Variants in USP54 observed in about 807,000 individuals in gnomAD.
The protein encoded by USP54 is ubiquitin specific peptidase 54.
Under a neutral mutation model 170.5 loss-of-function variants are expected in USP54, and 87 were observed. The ratio of observed to expected loss-of-function variants is 0.51; its 90% confidence interval spans 0.43 to 0.61. The LOEUF (loss-of-function observed/expected upper bound fraction) is 0.61. USP54 is among the 20% of genes least tolerant of loss of function. The pLI, the probability that USP54 is intolerant of heterozygous loss-of-function variation, is 0.00. For missense variants in USP54, 1,786 were observed against 2,047.8 expected, an observed-to-expected ratio of 0.87 and a Z score of 2.47; for synonymous variants, 655 against 742.8, an observed-to-expected ratio of 0.88 and a Z score of 1.92.
chr10:73,561,797 T>C (rs2073123687), intron 4 of USP54, among the ~76,000 whole-genome samples: 1 of 152,146 alleles, frequency 6.6e-6, no homozygotes, highest in Non-Finnish European at 1.5e-5. Context: ...AGGGTATTCT[T>C]AGGTTTAAAA....
chr10:73,575,804 A>T lies in USP54; in HGVS notation c.-24T>A. ...AAGATTTTGACTTTACCACCTTCCAAATATCATCTGTGTAGTCAAGGGACT... is the reference window on the plus strand; with the variant it reads ...AAGATTTTGACTTTACCACCTTCCATATATCATCTGTGTAGTCAAGGGACT... On this transcript the variant is annotated 5_prime_UTR_variant, in exon 2 of 24. It adds an upstream start codon to the 5' untranslated region. Transcript: ENST00000687698. 1.0e-6 allele frequency: 1 copy of T among 990,938 alleles called. No homozygotes were observed. The highest frequency in any genetic ancestry group is 1.4e-6 in the Non-Finnish European group (1 of 695,928). The allele number at this position is 990,938 out of a possible 1,614,324, so 61.4% of individuals were successfully genotyped here.
chr10:73,525,461 C>T lies in USP54; in HGVS notation c.2194+1186G>A, dbSNP rs548440175. On this transcript the variant is annotated intron_variant, in intron 16 of 23. Coordinates refer to ENST00000687698, the MANE Select transcript of USP54 (RefSeq NM_001391956.1). ...TAATTATCTTTTACCAGTTGAAGAA[C>T]GCTGTTGGTGAATTCTATCCAACTG... Among the ~76,000 whole-genome samples the T allele has an allele frequency of 7.2e-5, 11 of 152,174 alleles. No individual in the cohort carries two copies. In the East Asian group the frequency reaches 1.4e-3, roughly 19 times the overall value.
chr10:73,608,158 G>A (rs964716064), intron 1 of USP54, among the ~76,000 whole-genome samples: 3 of 151,938 alleles, frequency 2.0e-5, no homozygotes, highest in African/African-American at 7.3e-5. Context: ...TACTTCAGGG[G>A]ATGAGACAAA....
At chr10:73,536,112 G>T in intron 11 of USP54, 157 bp downstream of exon 11, 1 of 1,013,788 alleles carries the variant, frequency 9.9e-7, no homozygotes, top group Non-Finnish European at 1.5e-6. Flanking sequence ...GCTGGCCCAA[G>T]TTAGGCTTCA....
chr10:73,500,253 T>C (rs1207823912), intron 23 of USP54, among the ~76,000 whole-genome samples: 1 of 152,222 alleles, frequency 6.6e-6, no homozygotes, highest in Non-Finnish European at 1.5e-5. Context: ...CTTATCTTCC[T>C]AGACCATCCC....
chr10:73,518,162 G>A lies in USP54; in HGVS notation c.2679-415C>T, dbSNP rs2061342306. 4 of 985,140 alleles carry A rather than the reference G, an allele frequency of 4.1e-6. No individual in the cohort carries two copies. In the Admixed American group the frequency reaches 2.5e-4, roughly 61 times the overall value. 61.0% of individuals were successfully genotyped at this position (985,140 alleles called of 1,614,324 possible). On this transcript the variant is annotated intron_variant, in intron 19 of 23. Coordinates refer to ENST00000687698, the MANE Select transcript of USP54 (RefSeq NM_001391956.1). Reference sequence around the variant, plus strand: ...CTCATACCAAACAGCAAAAATCCAGGATGCTATACAGGGAGGCAAGTCCTA... The same window carrying A: ...CTCATACCAAACAGCAAAAATCCAGAATGCTATACAGGGAGGCAAGTCCTA...
chr10:73,553,358 T>C (rs894839667), intron 4 of USP54: 1 of 152,160 alleles, frequency 6.6e-6, no homozygotes, highest in Non-Finnish European at 1.5e-5. Flanking sequence ...GCAAGTGTAT[T>C]AGGGGTAAAG....
Position 73,576,368 on chromosome 10 carries a change from C to G in USP54, c.-581-7G>C, listed in dbSNP as rs1182048474. On this transcript the variant is annotated splice_region_variant and splice_polypyrimidine_tract_variant and intron_variant, in intron 1 of 23. Coordinates refer to ENST00000687698, the MANE Select transcript of USP54 (RefSeq NM_001391956.1). ...AGCCAGCTGTGTCAGAGAGCTTTAA[C>G]AGAAATAAAAAAAATCAAAAGCTTG... The G allele has an allele frequency of 6.6e-6, 1 of 151,914 alleles. No individual in the cohort carries two copies. Among genetic ancestry groups the G allele is most frequent in the Non-Finnish European group, 1.5e-5 (1 of 68,008 alleles). The allele number at this position is 151,914 out of a possible 1,614,324, so 9.4% of individuals were successfully genotyped here.
At chr10:73,620,045 G>T (rs879615390) in intron 1 of USP54, among the ~76,000 whole-genome samples, 2 of 150,346 alleles carry the variant, frequency 1.3e-5, no homozygotes, top group African/African-American at 2.5e-5. Flanking sequence ...GGGCACAGTG[G>T]GTCACACCTG....
chr10:73,617,283 C>G (rs1198731789), intron 1 of USP54, among the ~76,000 whole-genome samples: 1 of 146,672 alleles, frequency 6.8e-6, no homozygotes, highest in Non-Finnish European at 1.5e-5. Context: ...GCAACAAGAG[C>G]GAAACCCTGT....
rs540666074 is a variant in USP54 at position 73,543,138 on chromosome 10, G to A, written c.376-7C>T. 3 of 1,591,852 alleles carry A rather than the reference G, an allele frequency of 1.9e-6. No individual in the cohort carries two copies. The East Asian group carries it at 6.7e-5, about 36-fold the overall frequency. The stretch of plus-strand genomic sequence containing the variant: ...TTCTCATCAGGAGGTTTTCCTGACA[G>A]GGAAAGAACAAAAGCAGTATACCAA... On this transcript the variant is annotated splice_polypyrimidine_tract_variant and splice_region_variant and intron_variant, in intron 5 of 23. Coordinates refer to ENST00000687698, the MANE Select transcript of USP54 (RefSeq NM_001391956.1).
intron 1 of USP54, among the ~76,000 whole-genome samples, chr10:73,600,102 T>C (rs963814524): frequency 1.3e-5 from 2 of 151,990 alleles, no homozygotes; most frequent in Admixed American, 6.6e-5. Context: ...GGTTTCTCCA[T>C]GTTTGTCAGG....
At chr10:73,509,105 C>CAAAAAAAAAA (rs34441562) in intron 20 of USP54, among the ~76,000 whole-genome samples, 1 of 47,298 alleles carries the variant, frequency 2.1e-5, no homozygotes, top group Non-Finnish European at 4.5e-5. Flanking sequence ...ATCATACTGG[C>CAAAAAAAAAA]AAAAAAAAAA....
rs550332807 is a variant in USP54 at position 73,578,039 on chromosome 10, C to G, written c.-581-1678G>C. Among the ~76,000 whole-genome samples the G allele has an allele frequency of 5.3e-5, 8 of 152,306 alleles. No individual in the cohort carries two copies. In the East Asian group the frequency reaches 1.2e-3, roughly 22 times the overall value. ...GGGTTTCCAATATCCACATTAGGAG[C>G]TAACTGAAACTCAGCCTGCCCTATG... On this transcript the variant is annotated intron_variant, in intron 1 of 23. Coordinates refer to ENST00000687698, the MANE Select transcript of USP54 (RefSeq NM_001391956.1).
At chr10:73,505,074 A>G (rs1279931605) in intron 21 of USP54, 84 bp from the exon 22 acceptor site, 2 of 1,585,466 alleles carry the variant, frequency 1.3e-6, no homozygotes, top group African/African-American at 2.7e-5. Context: ...GGGTATGGGA[A>G]AGAGTAGGGG....
intron 1 of USP54, among the ~76,000 whole-genome samples, chr10:73,581,804 G>A (rs1365155225): frequency 6.6e-6 from 1 of 152,100 alleles, no homozygotes; most frequent in Non-Finnish European, 1.5e-5. Context: ...GTCCACATTT[G>A]GATTTTGGAT....
intron 1 of USP54, among the ~76,000 whole-genome samples, chr10:73,597,982 G>C (rs1478484462): frequency 1.3e-5 from 2 of 152,098 alleles, no homozygotes; most frequent in Admixed American, 1.3e-4. Flanking sequence ...TACTCGGGAG[G>C]CTGAGGCAGG....
chr10:73,530,035 C>T (rs2063679187), intron 14 of USP54, 108 bp downstream of exon 14: 27 of 1,502,490 alleles, frequency 1.8e-5, no homozygotes, highest in Non-Finnish European at 2.1e-5. Context: ...AAACACCCGA[C>T]ATCAGAGTAA....
intron 1 of USP54, among the ~76,000 whole-genome samples, chr10:73,603,972 C>T (rs531302806): frequency 6.6e-6 from 1 of 152,004 alleles, no homozygotes; most frequent in South Asian, 2.1e-4. Flanking sequence ...AAAAGGTGGC[C>T]AGGCACAGTG....
Sources: allele counts gnomAD v4.1 joint callset (sites outside exome capture counted in the v4.1 genomes callset), GRCh38; gene constraint gnomAD v4.1.1; transcripts MANE v1.5; gene names NCBI Gene and HGNC (gene_info 2026-07-23, HGNC 2026-07-21).